The following CCDC171 variants were observed in gnomAD, a reference collection of about 807,000 sequenced individuals.
CCDC171 encodes the protein coiled-coil domain-containing protein 171.
CCDC171 carries 177 observed loss-of-function variants against 168.2 expected under a neutral mutation model. The ratio of observed to expected loss-of-function variants is 1.05; its 90% CI spans 0.93 to 1.19. The LOEUF (loss-of-function observed/expected upper bound fraction) is 1.19. Among genes scored for constraint, CCDC171 ranks in the 50% most tolerant of loss-of-function variants. The pLI is 0.00. For missense variants in CCDC171, 1,991 were observed against 1,539.0 expected, an observed-to-expected ratio of 1.29 and a Z score of -4.91; for synonymous variants, 687 against 540.8, an observed-to-expected ratio of 1.27 and a Z score of -3.75.
the CCDC171 span, among the ~76,000 whole-genome samples, chr9:16,100,900 C>G: frequency 6.6e-6 from 1 of 152,192 alleles, no homozygotes; most frequent in Non-Finnish European, 1.5e-5. Context: ...GCTCTCCTCT[C>G]CGATTCCCTA....
intron 1 of CCDC171, among the ~76,000 whole-genome samples, chr9:16,053,141 G>T (rs554993838): frequency 6.6e-6 from 1 of 152,202 alleles, no homozygotes; most frequent in Non-Finnish European, 1.5e-5. Context: ...TAAGATCAAA[G>T]AATTTTTGAG....
intron 24 of CCDC171, among the ~76,000 whole-genome samples, chr9:15,896,696 G>A (rs551821463): frequency 6.6e-6 from 1 of 152,070 alleles, no homozygotes; most frequent in South Asian, 2.1e-4. Context: ...TCACTAAAAA[G>A]CCCTTCAGTA....
In CCDC171 at chr9:15,721,829, G is replaced by A. The variant is rs763283023; in HGVS notation, c.1379G>A (p.Arg460His). Residue 460 changes from arginine to histidine, a missense_variant, in exon 12 of 26, where the codon CGT becomes CAT. By Grantham distance (29) the Arg-to-His change is conservative. Coordinates refer to ENST00000380701, the MANE Select transcript of CCDC171 (RefSeq NM_173550.4). The part of the protein sequence containing the change: ...SFSVVLERLR[R>H]TLTDYQNKLE... ...TCTGTTGTCCTTGAGAGATTGAGGC[G>A]TACCTTGACAGATTACCAGAACAAG... 3.1e-5 allele frequency: 48 copies of A among 1,562,878 alleles called. 1 individual carries two copies. Among genetic ancestry groups the A allele is most frequent in the Non-Finnish European group, 3.7e-5 (43 of 1,153,272 alleles).
At chr9:15,891,487 C>T (rs968631997) in intron 24 of CCDC171, among the ~76,000 whole-genome samples, 3 of 151,990 alleles carry the variant, frequency 2.0e-5, no homozygotes, top group Non-Finnish European at 4.4e-5. Flanking sequence ...CTTTGTAGGT[C>T]GATTATGGAA....
chr9:15,629,907 A>T (rs2045531094), intron 7 of CCDC171, among the ~76,000 whole-genome samples: 1 of 152,192 alleles, frequency 6.6e-6, no homozygotes, highest in Non-Finnish European at 1.5e-5. Flanking sequence ...TCAACCCAGA[A>T]TTTCTTATCC....
chr9:15,639,317 T>C (rs2046421538), intron 7 of CCDC171, among the ~76,000 whole-genome samples: 1 of 152,078 alleles, frequency 6.6e-6, no homozygotes, highest in South Asian at 2.1e-4. Context: ...CAGCATTTTA[T>C]GTTTATAATA....
At chr9:15,656,749 G>C (rs971465938) in intron 7 of CCDC171, among the ~76,000 whole-genome samples, 1 of 152,144 alleles carries the variant, frequency 6.6e-6, no homozygotes, top group East Asian at 1.9e-4. Context: ...GGTGAGGGCT[G>C]GAGGAAGGCA....
At chr9:15,663,640 C>T (rs1204983614) in intron 8 of CCDC171, among the ~76,000 whole-genome samples, 1 of 138,996 alleles carries the variant, frequency 7.2e-6, no homozygotes, top group Non-Finnish European at 1.5e-5. Context: ...GAGTATCGCT[C>T]TGTCACCCAG....
upstream of CCDC171, among the ~76,000 whole-genome samples, chr9:16,042,291 C>G (rs1833585844): frequency 6.6e-6 from 1 of 152,120 alleles, no homozygotes; most frequent in Admixed American, 6.5e-5. Context: ...AATAAGACAA[C>G]TGGGAATGAG....
chr9:16,076,256 G>A, the CCDC171 span, among the ~76,000 whole-genome samples: 2 of 152,130 alleles, frequency 1.3e-5, no homozygotes, highest in Admixed American at 1.3e-4. Flanking sequence ...ATCCCTCAGA[G>A]GTTACGTGGG....
chr9:15,643,057 G>C (rs898191450), intron 7 of CCDC171, among the ~76,000 whole-genome samples: 1 of 151,248 alleles, frequency 6.6e-6, no homozygotes, highest in Admixed American at 6.6e-5. Flanking sequence ...CCCTTTATTT[G>C]CTTTTTTTTT....
chr9:15,810,731 C>A (rs2059314144), intron 21 of CCDC171, among the ~76,000 whole-genome samples: 1 of 152,218 alleles, frequency 6.6e-6, no homozygotes, highest in Non-Finnish European at 1.5e-5. Context: ...CCACCCGGAA[C>A]TCGCGCTGCC....
chr9:16,058,790 T>C (rs1833883763), intron 1 of CCDC171, among the ~76,000 whole-genome samples: 1 of 152,230 alleles, frequency 6.6e-6, no homozygotes, highest in South Asian at 2.1e-4. Context: ...GAGCTTCTTA[T>C]TTCCCTCAAG....
At chr9:15,672,452 A>G (rs555496196) in intron 9 of CCDC171, among the ~76,000 whole-genome samples, 3 of 152,008 alleles carry the variant, frequency 2.0e-5, no homozygotes, top group African/African-American at 7.2e-5. Flanking sequence ...ATGGTTTTGC[A>G]TAGGTTTTCT....
intron 9 of CCDC171, among the ~76,000 whole-genome samples, chr9:15,675,932 G>A (rs1188413448): frequency 1.3e-5 from 2 of 152,152 alleles, no homozygotes; most frequent in Non-Finnish European, 2.9e-5. Context: ...TTGCTAGGTT[G>A]GAGAAGTTCT....
At chr9:16,086,983 A>G in the CCDC171 span, among the ~76,000 whole-genome samples, 1 of 152,082 alleles carries the variant, frequency 6.6e-6, no homozygotes, top group South Asian at 2.1e-4. Context: ...TGATTTCATT[A>G]TTTACCCAGT....
intron 21 of CCDC171, among the ~76,000 whole-genome samples, chr9:15,801,399 A>G (rs185467557): frequency 1.3e-5 from 2 of 151,572 alleles, no homozygotes; most frequent in South Asian, 2.1e-4. Context: ...TACTTTTTTT[A>G]TTGTTTTATT....
At chr9:15,892,413 G>A (rs73424853) in intron 24 of CCDC171, among the ~76,000 whole-genome samples, 4 of 152,150 alleles carry the variant, frequency 2.6e-5, no homozygotes, top group African/African-American at 9.6e-5. Context: ...TAACATGCAG[G>A]GATGTTGAAT....
At chr9:15,679,521 A>G (rs1013341681) in intron 10 of CCDC171, among the ~76,000 whole-genome samples, 3 of 152,010 alleles carry the variant, frequency 2.0e-5, no homozygotes, top group African/African-American at 7.3e-5. Context: ...CTTTAGCCAT[A>G]TTAGAGTGCT....
Sources: allele counts gnomAD v4.1 joint callset (sites outside exome capture counted in the v4.1 genomes callset), GRCh38; gene constraint gnomAD v4.1.1; transcripts MANE v1.5; gene names NCBI Gene and HGNC (gene_info 2026-07-23, HGNC 2026-07-21).